Variants in PTPRZ1 observed in about 807,000 individuals in gnomAD.
PTPRZ1 encodes protein tyrosine phosphatase receptor type Z1.
In PTPRZ1, 82 loss-of-function variants were observed where a neutral mutation model predicts 214.1. That is an observed-to-expected ratio of 0.38 (90% CI 0.32 to 0.46). PTPRZ1 has a LOEUF of 0.46. Ranked by LOEUF, PTPRZ1 falls within the 20% of genes least tolerant of loss-of-function variation. The pLI is 1.00. For synonymous variants in PTPRZ1, 945 were observed against 987.9 expected (o/e 0.96, Z 0.81); for missense variants, 2,603 against 2,748.7 (o/e 0.95, Z 1.19).
chr7:122,034,978 G>A (rs933651626), intron 17 of PTPRZ1, among the ~76,000 whole-genome samples: 3 of 151,538 alleles, frequency 2.0e-5, no homozygotes, highest in African/African-American at 4.8e-5. Flanking sequence ...TCTTTCTTCT[G>A]TCTTCTTATA....
intron 8 of PTPRZ1, among the ~76,000 whole-genome samples, chr7:121,988,209 G>A (rs1012275706): frequency 2.0e-5 from 3 of 151,992 alleles, no homozygotes; most frequent in Admixed American, 1.3e-4. Context: ...TTTTTAAAAG[G>A]GGCCCTTCGT....
At chr7:122,047,367 C>T (rs1792026393) in intron 23 of PTPRZ1, among the ~76,000 whole-genome samples, 1 of 152,030 alleles carries the variant, frequency 6.6e-6, no homozygotes, top group Non-Finnish European at 1.5e-5. Context: ...GGTTTCTTTG[C>T]TTATGTTTTA....
intron 2 of PTPRZ1, among the ~76,000 whole-genome samples, chr7:121,936,245 A>T (rs750237000): frequency 6.6e-6 from 1 of 152,230 alleles, no homozygotes. Flanking sequence ...TATTATTCAG[A>T]CAAATTTTTA....
intron 27 of PTPRZ1, among the ~76,000 whole-genome samples, chr7:122,056,575 G>A (rs1320039353): frequency 6.6e-6 from 1 of 151,820 alleles, no homozygotes; most frequent in African/African-American, 2.4e-5. Flanking sequence ...GAGCTCAAAA[G>A]CTAGGGGCCT....
Position 122,028,380 on chromosome 7 carries a change from T to C in PTPRZ1, c.4989-172T>C, listed in dbSNP as rs1480197965. On this transcript the variant is annotated intron_variant, in intron 13 of 29. Coordinates refer to ENST00000393386, the MANE Select transcript of PTPRZ1 (RefSeq NM_002851.3). ...GGTAAAACTGAGATAAATTTTATAA[T>C]TTAACATCTTGTGACTTGTTAAAAT... 20 of 493,884 alleles carry C rather than the reference T, an allele frequency of 4.0e-5. No homozygotes were observed. The East Asian group carries it at 5.1e-4, about 12-fold the overall frequency. The allele number at this position is 493,884 out of a possible 1,614,324, so 30.6% of individuals were successfully genotyped here.
At chr7:121,906,323 G>A (rs1795114167) in intron 1 of PTPRZ1, among the ~76,000 whole-genome samples, 1 of 152,036 alleles carries the variant, frequency 6.6e-6, no homozygotes, top group Admixed American at 6.6e-5. Context: ...GGAGGCATGT[G>A]GGTGTGTATT....
At chr7:121,919,816 A>G (rs1428189647) in intron 1 of PTPRZ1, among the ~76,000 whole-genome samples, 3 of 151,528 alleles carry the variant, frequency 2.0e-5, no homozygotes, top group Non-Finnish European at 4.4e-5. Context: ...CTGTCTATCA[A>G]TTCATTTTTT....
chr7:122,047,547 A>G (rs1792036693), intron 23 of PTPRZ1, among the ~76,000 whole-genome samples: 1 of 152,076 alleles, frequency 6.6e-6, no homozygotes, highest in South Asian at 2.1e-4. Flanking sequence ...TATAGGCTCT[A>G]AGGCTGGAGG....
At position 122,036,672 on chromosome 7, in the gene PTPRZ1, A is replaced by G. The variant is rs1008512164; in HGVS notation, c.5357A>G (p.Asn1786Ser). Residue 1786 changes from asparagine to serine, a missense_variant, in exon 18 of 30, where the codon AAT becomes AGT. By Grantham distance (46) the Asn-to-Ser change is conservative. Transcript: ENST00000393386. ...AAACTGACTGATTATATCAATGCCA[A>G]TTATGTTGATGTAAGCATGTTTTAA... ...DGKLTDYINANYVDGYNRPKA... is the reference protein window; with the variant it reads ...DGKLTDYINASYVDGYNRPKA... 6.3e-7 allele frequency: 1 copy of G among 1,598,634 alleles called. No homozygotes were observed.
intron 26 of PTPRZ1, 81 bp downstream of exon 26, chr7:122,054,119 C>G (rs998334681): frequency 4.3e-5 from 63 of 1,472,780 alleles, no homozygotes; most frequent in Non-Finnish European, 2.6e-5. Context: ...AGCATACAAA[C>G]AAGCAAAGTA....
At chr7:121,902,278 C>G (rs1033640173) in intron 1 of PTPRZ1, among the ~76,000 whole-genome samples, 5 of 152,172 alleles carry the variant, frequency 3.3e-5, no homozygotes, top group Non-Finnish European at 7.3e-5. Flanking sequence ...GATTCCATAT[C>G]TAGGCAACTG....
intron 1 of PTPRZ1, among the ~76,000 whole-genome samples, chr7:121,876,000 T>G (rs2116132817): frequency 6.6e-6 from 1 of 152,196 alleles, no homozygotes; most frequent in East Asian, 1.9e-4. Context: ...ATTTGAACAT[T>G]AGGCTGTCAT....
chr7:122,010,415 A>G lies in PTPRZ1; in HGVS notation c.1369A>G (p.Lys457Glu), dbSNP rs749664589. The G allele has an allele frequency of 6.2e-7, 1 of 1,614,096 alleles. No homozygotes were observed. Residue 457 changes from lysine (K) to glutamate (E), a missense_variant, in exon 12 of 30, where the codon AAG becomes GAG. Lys to Glu is a moderately conservative substitution (Grantham distance 56). Around this residue, in one of 6 missense-constraint regions of PTPRZ1, gnomAD observed 1,913 missense variants for 1,914.3 expected, o/e 1.00. Transcript: ENST00000393386. ...CAGTGCTACAAACCAAATCAGGAAA[A>G]AGGAACCCCAGATTTCTACCACAAC... is the stretch of plus-strand genomic sequence containing the variant. The part of the protein sequence containing the change: ...RDSATNQIRK[K>E]EPQISTTTHY...
At chr7:122,005,661 C>T (rs943978024) in intron 11 of PTPRZ1, among the ~76,000 whole-genome samples, 1 of 151,874 alleles carries the variant, frequency 6.6e-6, no homozygotes, top group East Asian at 1.9e-4. Flanking sequence ...TGTATATATA[C>T]ACACACATAC....
chr7:121,949,599 G>A (rs1563032722), intron 2 of PTPRZ1, among the ~76,000 whole-genome samples: 2 of 152,128 alleles, frequency 1.3e-5, no homozygotes, highest in South Asian at 4.1e-4. Context: ...CATATGAGGA[G>A]CAGTTTTGAC....
In PTPRZ1 at chr7:122,013,789, C is replaced by T; in HGVS notation, c.4743C>T (p.Ile1581=). 2 of 1,614,026 alleles carry T rather than the reference C, an allele frequency of 1.2e-6. No homozygotes were observed. The highest frequency in any genetic ancestry group is 1.3e-5 in the African/African-American group (1 of 75,040). Residue 1581 remains isoleucine (I), a synonymous_variant, in exon 12 of 30, where the codon ATC becomes ATT. Transcript: ENST00000393386. The part of the protein sequence containing the change: ...ADTNEKDADG[I]LAAGDSEITP... ...CTAATGAAAAAGATGCTGATGGGATCCTGGCAGCAGGTGACTCAGAAATAA... is the reference window on the plus strand; with the variant it reads ...CTAATGAAAAAGATGCTGATGGGATTCTGGCAGCAGGTGACTCAGAAATAA...
chr7:121,926,296 T>G (rs1795760419), intron 1 of PTPRZ1, among the ~76,000 whole-genome samples: 1 of 103,558 alleles, frequency 9.7e-6, no homozygotes, highest in Non-Finnish European at 1.9e-5. Flanking sequence ...CAGAGCAAGA[T>G]TCTGTCAAAA....
At position 121,926,119 on chromosome 7, in the gene PTPRZ1, A is replaced by G. The variant is rs769195656; in HGVS notation, c.59-2037A>G. On this transcript the variant is annotated intron_variant, in intron 1 of 29. Transcript: ENST00000393386. Reference sequence around the variant, plus strand: ...GGAGTTCGAGACCAGCCTGACCAACATAGTGAAACCCCGTCTCTACTAAAA... The same window carrying G: ...GGAGTTCGAGACCAGCCTGACCAACGTAGTGAAACCCCGTCTCTACTAAAA... Among the ~76,000 whole-genome samples, 151 of 152,230 alleles carry G rather than the reference A, an allele frequency of 9.9e-4. 1 individual carries two copies. The highest frequency in any genetic ancestry group is 1.9e-3 in the South Asian group (9 of 4,822).
At chr7:122,029,200 C>T (rs1448240611) in intron 14 of PTPRZ1, among the ~76,000 whole-genome samples, 1 of 151,606 alleles carries the variant, frequency 6.6e-6, no homozygotes, top group Non-Finnish European at 1.5e-5. Flanking sequence ...TTGAAATAAT[C>T]TCTCAAAATG....
Sources: gnomAD v4.1 joint callset for allele counts (sites outside exome capture counted in the v4.1 genomes callset) on GRCh38, gnomAD v4.1.1 for gene constraint, gnomAD v4.1.1 regional missense constraint, MANE v1.5 for transcripts, NCBI Gene and HGNC (gene_info 2026-07-23, HGNC 2026-07-21) for gene names.